The following MALRD1 variants were observed in gnomAD, a reference collection of about 807,000 sequenced individuals.
MALRD1 encodes the protein MAM and LDL receptor class A domain containing 1, also known as MAM and LDL-receptor class A domain-containing protein 1.
MALRD1 carries 247 observed loss-of-function variants against 242.1 expected under a neutral mutation model. The ratio of observed to expected loss-of-function variants is 1.02; its 90% CI spans 0.92 to 1.13. MALRD1 has a LOEUF of 1.13. Among genes scored for constraint, MALRD1 ranks in the 50% most tolerant of loss-of-function variants. The probability of loss-of-function intolerance (pLI) is 0.00; values close to 1 mark genes in which losing one functional copy is unlikely to be tolerated. For synonymous variants in MALRD1, 995 were observed against 866.6 expected, an observed-to-expected ratio of 1.15 and a Z score of -2.60; for missense variants, 2,989 against 2,533.1, an observed-to-expected ratio of 1.18 and a Z score of -3.86.
chr10:19,605,620 T>C (rs1838579552), intron 34 of MALRD1, among the ~76,000 whole-genome samples: 2 of 151,876 alleles, frequency 1.3e-5, no homozygotes, highest in South Asian at 4.2e-4. Flanking sequence ...CCTACTTTAC[T>C]ATATGGCTTT....
intron 32 of MALRD1, among the ~76,000 whole-genome samples, chr10:19,554,609 G>A (rs1452644959): frequency 6.6e-6 from 1 of 151,946 alleles, no homozygotes; most frequent in Non-Finnish European, 1.5e-5. Flanking sequence ...TGTTCTCATT[G>A]TTCAGCTCCC....
At position 19,222,076 on chromosome 10, in the gene MALRD1, C is replaced by T. The variant is rs140443552; in HGVS notation, c.2991+12396C>T. On this transcript the variant is annotated intron_variant, in intron 18 of 39. Coordinates refer to ENST00000454679, the MANE Select transcript of MALRD1 (RefSeq NM_001142308.3). ...TTTTGAAACTTGGTGTAACTTCCTT[C>T]CTTTATTCCTCCCTCCCTTGCTCCC... is the stretch of plus-strand genomic sequence containing the variant. 2.0e-3 allele frequency among the ~76,000 whole-genome samples: 301 copies of T among 152,088 alleles called. 12 individuals are homozygous for T. The East Asian group carries it at 0.049, about 25-fold the overall frequency.
At chr10:19,354,203 A>G (rs1424798420) in intron 26 of MALRD1, among the ~76,000 whole-genome samples, 1 of 152,162 alleles carries the variant, frequency 6.6e-6, no homozygotes, top group Non-Finnish European at 1.5e-5. Context: ...TAAAGTATGT[A>G]CAAAATAGTA....
rs557240471 is a variant in MALRD1 at position 19,565,184 on chromosome 10, A to G, written c.5479-2318A>G. ...TAAGATGTGTTGACATGTATTGGAG[A>G]GTTTAATGTTCATGACATTGGGGAG... On this transcript the variant is annotated intron_variant, in intron 32 of 39. Transcript: ENST00000454679. Among the ~76,000 whole-genome samples, 17 of 152,190 alleles carry G rather than the reference A, an allele frequency of 1.1e-4. No homozygotes were observed. The South Asian group carries it at 3.5e-3, about 32-fold the overall frequency.
chr10:19,096,472 A>G (rs972565609), intron 4 of MALRD1, among the ~76,000 whole-genome samples: 3 of 152,226 alleles, frequency 2.0e-5, no homozygotes, highest in African/African-American at 7.2e-5. Flanking sequence ...TTAGGAAACC[A>G]TACGACTCTC....
intron 18 of MALRD1, among the ~76,000 whole-genome samples, chr10:19,245,845 A>G (rs1302359850): frequency 6.6e-6 from 1 of 152,222 alleles, no homozygotes; most frequent in Non-Finnish European, 1.5e-5. Context: ...CATGCTATTG[A>G]ATGTCACAAT....
intron 36 of MALRD1, among the ~76,000 whole-genome samples, chr10:19,637,575 A>C: frequency 6.6e-6 from 1 of 152,278 alleles, no homozygotes; most frequent in South Asian, 2.1e-4. Flanking sequence ...GTGTAACTAC[A>C]TAAGCCATAT....
chr10:19,620,363 T>C (rs1400175934), intron 36 of MALRD1, among the ~76,000 whole-genome samples: 1 of 152,020 alleles, frequency 6.6e-6, no homozygotes, highest in African/African-American at 2.4e-5. Context: ...GTTCCCTTCT[T>C]TGTGTCCAAG....
At chr10:19,163,339 A>C (rs773408803) in intron 12 of MALRD1, among the ~76,000 whole-genome samples, 6 of 152,094 alleles carry the variant, frequency 3.9e-5, no homozygotes, top group African/African-American at 1.4e-4. Context: ...GAACAAGATC[A>C]TGTCTTTTGT....
intron 1 of MALRD1, among the ~76,000 whole-genome samples, chr10:19,056,134 C>T (rs1834658989): frequency 6.6e-6 from 1 of 152,056 alleles, no homozygotes; most frequent in South Asian, 2.1e-4. Flanking sequence ...TGTAATGCCT[C>T]CAGCTTTGTT....
At chr10:19,503,024 G>A (rs1427461408) in intron 31 of MALRD1, among the ~76,000 whole-genome samples, 2 of 152,046 alleles carry the variant, frequency 1.3e-5, no homozygotes, top group Non-Finnish European at 2.9e-5. Context: ...TTTATGTAAT[G>A]TTATATACAA....
chr10:19,393,539 G>A (rs1043503928), intron 28 of MALRD1, among the ~76,000 whole-genome samples: 6 of 143,638 alleles, frequency 4.2e-5, no homozygotes, highest in Middle Eastern at 3.9e-3. Context: ...TCCGTCTCCC[G>A]GGTTCATGCC....
chr10:19,678,623 A>T (rs1162727637), intron 36 of MALRD1, among the ~76,000 whole-genome samples: 1 of 152,072 alleles, frequency 6.6e-6, no homozygotes, highest in African/African-American at 2.4e-5. Flanking sequence ...AATTCTTGCT[A>T]TTTGGATACC....
At chr10:19,375,628 A>G (rs1845562128) in intron 26 of MALRD1, among the ~76,000 whole-genome samples, 1 of 152,306 alleles carries the variant, frequency 6.6e-6, no homozygotes, top group South Asian at 2.1e-4. Flanking sequence ...TTATTTTGAT[A>G]CATAACTGGT....
At chr10:19,246,585 G>A (rs1024225391) in intron 18 of MALRD1, among the ~76,000 whole-genome samples, 1 of 152,072 alleles carries the variant, frequency 6.6e-6, no homozygotes, top group Non-Finnish European at 1.5e-5. Context: ...AGGAGCCTGG[G>A]GCAGTGGCTG....
intron 5 of MALRD1, among the ~76,000 whole-genome samples, chr10:19,116,447 A>T (rs1342323293): frequency 2.0e-5 from 3 of 152,204 alleles, no homozygotes; most frequent in African/African-American, 4.8e-5. Flanking sequence ...GTTTTCTTTT[A>T]AGAGACAGTA....
chr10:19,327,945 C>T lies in MALRD1; in HGVS notation c.3687+272C>T, dbSNP rs182444839. Among the ~76,000 whole-genome samples the T allele has an allele frequency of 9.2e-5, 14 of 152,190 alleles. No individual in the cohort carries two copies. In the East Asian group the frequency reaches 9.7e-4, roughly 11 times the overall value. On this transcript the variant is annotated intron_variant, in intron 23 of 39. Coordinates refer to ENST00000454679, the MANE Select transcript of MALRD1 (RefSeq NM_001142308.3). The stretch of plus-strand genomic sequence containing the variant: ...CCTTCACTCCCCAGTCAGCCTCACA[C>T]GTATAAGGAACATTTACCTCTGTTT...
intron 10 of MALRD1, among the ~76,000 whole-genome samples, chr10:19,144,447 A>G (rs1461146074): frequency 1.3e-5 from 2 of 152,240 alleles, no homozygotes; most frequent in African/African-American, 4.8e-5. Flanking sequence ...TGGCATTGTC[A>G]TTTGCATACC....
At chr10:19,390,745 G>A (rs1846304421) in intron 28 of MALRD1, among the ~76,000 whole-genome samples, 1 of 152,010 alleles carries the variant, frequency 6.6e-6, no homozygotes, top group Admixed American at 6.6e-5. Context: ...GAATACCAAA[G>A]AGCTTATACC....
Sources: gnomAD v4.1 joint callset for allele counts (sites outside exome capture counted in the v4.1 genomes callset) on GRCh38, gnomAD v4.1.1 for gene constraint, MANE v1.5 for transcripts, NCBI Gene and HGNC (gene_info 2026-07-23, HGNC 2026-07-21) for gene names.